CPAMD8: variants seen among roughly 807,000 people sequenced by gnomAD.
The protein encoded by CPAMD8 is C3 and PZP-like alpha-2-macroglobulin domain-containing protein 8.
CPAMD8 carries 146 observed loss-of-function variants against 224.7 expected under a neutral mutation model. The observed-to-expected ratio is 0.65, with a 90% CI of 0.57 to 0.75. The LOEUF (loss-of-function observed/expected upper bound fraction) is 0.75. Among genes scored for constraint, CPAMD8 ranks in the 30% least tolerant of loss-of-function variants. CPAMD8 has a pLI of 0.00. For missense variants in CPAMD8, 2,301 were observed against 2,537.5 expected (o/e 0.91, Z 2.00); for synonymous variants, 966 against 1,044.6 (o/e 0.92, Z 1.45).
chr19:16,904,088 C>G (rs2052371617), intron 32 of CPAMD8, 138 bp downstream of exon 32: 12 of 1,073,136 alleles, frequency 1.1e-5, no homozygotes, highest in African/African-American at 1.6e-5. Context: ...GTCCCTCACC[C>G]CCAACCCCTG....
At chr19:16,902,465 C>T (rs1208958471) in intron 35 of CPAMD8, among the ~76,000 whole-genome samples, 184 bp downstream of exon 35, 2 of 151,992 alleles carry the variant, frequency 1.3e-5, no homozygotes, top group Non-Finnish European at 2.9e-5. Flanking sequence ...TGCAGTGAGC[C>T]GAGATCGCAC....
At chr19:17,000,033 T>C (rs957514155) in intron 10 of CPAMD8, among the ~76,000 whole-genome samples, 2 of 152,206 alleles carry the variant, frequency 1.3e-5, no homozygotes, top group Non-Finnish European at 2.9e-5. Context: ...CACATCAAAA[T>C]ATCGATAGTG....
At chr19:16,983,020 C>T (rs984626503) in intron 13 of CPAMD8, among the ~76,000 whole-genome samples, 2 of 152,138 alleles carry the variant, frequency 1.3e-5, no homozygotes, top group African/African-American at 2.4e-5. Flanking sequence ...TTCCCATTCT[C>T]TCTTGTCTGC....
intron 29 of CPAMD8, chr19:16,907,533 G>C (rs369131678): frequency 6.6e-6 from 1 of 151,868 alleles, no homozygotes; most frequent in South Asian, 2.1e-4. Context: ...GCTTGAACCA[G>C]GGAGTTGGAG....
Position 16,914,487 on chromosome 19 carries a change from G to T in CPAMD8, c.3798C>A (p.His1266Gln). The T allele has an allele frequency of 6.2e-7, 1 of 1,614,080 alleles. No individual in the cohort carries two copies. Among genetic ancestry groups the T allele is most frequent in the Non-Finnish European group, 8.5e-7 (1 of 1,179,978 alleles). The change falls in exon 29 of 42, where the codon CAC (histidine) becomes CAA (glutamine). Residue 1266 changes from histidine (H) to glutamine (Q), a missense_variant. Coordinates refer to ENST00000443236, the MANE Select transcript of CPAMD8 (RefSeq NM_015692.5). ...CGTAGGCTGTCAGCGGGACAGTGCC[G>T]TGGATCCCACCCTGCAAGGGGACTC... ...VLNKDIQGGI[H>Q]GTVPLTAYVV... is the part of the protein sequence containing the mutation.
At position 16,907,157 on chromosome 19, in the gene CPAMD8, T is replaced by C; in HGVS notation, c.3862-40A>G. On this transcript the variant is annotated intron_variant, in intron 29 of 41. Coordinates refer to ENST00000443236, the MANE Select transcript of CPAMD8 (RefSeq NM_015692.5). ...GGGAAGGTGAAACCTGGGAGGCTGCTCTGCCCCCATCCCACCCACCCACTG... is the reference window on the plus strand; with the variant it reads ...GGGAAGGTGAAACCTGGGAGGCTGCCCTGCCCCCATCCCACCCACCCACTG... 8 of 1,484,186 alleles carry C rather than the reference T, an allele frequency of 5.4e-6. No individual in the cohort carries two copies. The South Asian group carries it at 8.4e-5, about 16-fold the overall frequency. 91.9% of individuals were successfully genotyped at this position (1,484,186 alleles called of 1,614,324 possible). A position where few individuals can be genotyped will look rare whatever the true frequency, so the allele number is the denominator to read the frequency against.
chr19:16,935,101 T>C (rs555814167), intron 23 of CPAMD8, among the ~76,000 whole-genome samples: 1 of 152,338 alleles, frequency 6.6e-6, no homozygotes, highest in East Asian at 1.9e-4. Flanking sequence ...CTTTTAAAAA[T>C]GTTTTTAACT....
chr19:16,894,202 C>T, intron 41 of CPAMD8: 1 of 293,296 alleles, frequency 3.4e-6, no homozygotes, highest in South Asian at 2.9e-5. Context: ...CTCCAGCTGT[C>T]CCCCCTGCAC....
In CPAMD8 at chr19:16,893,120, G is replaced by A; in HGVS notation, c.5646C>T (p.Cys1882=). 1 of 1,413,142 alleles carries A rather than the reference G, an allele frequency of 7.1e-7. No homozygotes were observed. The highest frequency in any genetic ancestry group is 1.0e-6 in the Non-Finnish European group (1 of 998,380). 87.5% of individuals were successfully genotyped at this position (1,413,142 alleles called of 1,614,324 possible). Residue 1882 remains cysteine (C), a synonymous_variant, in exon 42 of 42, where the codon TGC becomes TGT. Coordinates refer to ENST00000443236, the MANE Select transcript of CPAMD8 (RefSeq NM_015692.5). ...TGTGGTTGTAGGATTATCTCAAGGT[G>A]CAGGTGTTTGACATCCATAAACCCT... ...GEEGLWMSNT[C]TLR
In CPAMD8 at chr19:16,947,236, G is replaced by C; in HGVS notation, c.2509-9C>G. On this transcript the variant is annotated splice_polypyrimidine_tract_variant and intron_variant, in intron 20 of 41. Coordinates refer to ENST00000443236, the MANE Select transcript of CPAMD8 (RefSeq NM_015692.5). The stretch of plus-strand genomic sequence containing the variant: ...GAGAGCTTCATGTACACCTGCAGAG[G>C]GTGGCATTGGCTCATGGCGCCTGGA... The C allele has an allele frequency of 6.2e-7, 1 of 1,605,626 alleles. No homozygotes were observed. Among genetic ancestry groups the C allele is most frequent in the Non-Finnish European group, 8.5e-7 (1 of 1,175,342 alleles).
intron 11 of CPAMD8, among the ~76,000 whole-genome samples, chr19:16,994,697 A>T (rs985727442): frequency 1.2e-4 from 17 of 143,956 alleles, no homozygotes; most frequent in Admixed American, 5.6e-4. Context: ...TTAAAAAAAA[A>T]TCTGTAGAGC....
chr19:16,915,921 C>T lies in CPAMD8; in HGVS notation c.3630-1108G>A, dbSNP rs188748170. ...TTCTTTCTTTCTCTTTCTCTCTCTC[C>T]TTCCTTTTTCTCTCTCTCTTTTCTT... On this transcript the variant is annotated intron_variant, in intron 27 of 41. Transcript: ENST00000443236. Among the ~76,000 whole-genome samples, 280 of 148,892 alleles carry T rather than the reference C, an allele frequency of 1.9e-3. 1 individual carries two copies. The highest frequency in any genetic ancestry group is 5.3e-3 in the East Asian group (27 of 5,092).
intron 8 of CPAMD8, among the ~76,000 whole-genome samples, chr19:17,003,205 C>CTT (rs564105217): frequency 2.0e-5 from 3 of 146,936 alleles, no homozygotes; most frequent in Non-Finnish European, 3.0e-5. Flanking sequence ...GCCTGGCCAC[C>CTT]TTTTTTTTTT....
intron 16 of CPAMD8, among the ~76,000 whole-genome samples, chr19:16,975,731 G>A (rs955597080): frequency 1.3e-5 from 2 of 152,046 alleles, no homozygotes; most frequent in Non-Finnish European, 2.9e-5. Context: ...AAATAAGATG[G>A]GCAAATTGGA....
chr19:16,909,097 G>A (rs773855), intron 29 of CPAMD8, among the ~76,000 whole-genome samples: 85,672 of 151,974 alleles, frequency 0.56, 24,553 homozygotes, highest in South Asian at 0.62. Flanking sequence ...CAGGTGTAGC[G>A]GGTTGAACGG....
At chr19:16,927,885 G>T in intron 25 of CPAMD8, 124 bp downstream of exon 25, 1 of 702,686 alleles carries the variant, frequency 1.4e-6, no homozygotes, top group Non-Finnish European at 2.5e-6. Context: ...CAGGTGAGTG[G>T]GTGTATGGGT....
Position 16,970,974 on chromosome 19 carries a change from G to A in CPAMD8, c.2130C>T (p.Gly710=). Residue 710 remains glycine (G), a synonymous_variant, in exon 18 of 42, where the codon GGC becomes GGT. Coordinates refer to ENST00000443236, the MANE Select transcript of CPAMD8 (RefSeq NM_015692.5). ...RVSLNHRQDG[G]LYTDEAVPAF... ...CGGGGACAGCCTCATCGGTGTAGAG[G>A]CCACCGTCCTGCCGGTGGTTCAGGC... 1 of 1,613,406 alleles carries A rather than the reference G, an allele frequency of 6.2e-7. No homozygotes were observed. The highest frequency in any genetic ancestry group is 8.5e-7 in the Non-Finnish European group (1 of 1,179,546).
chr19:16,907,161 C>T (rs1399659767), intron 29 of CPAMD8, 44 bp from the exon 30 acceptor site: 10 of 1,475,798 alleles, frequency 6.8e-6, no homozygotes, highest in South Asian at 1.4e-5. Context: ...GGCTGCTCTG[C>T]CCCCATCCCA....
chr19:16,904,445 G>T (rs368974352), intron 31 of CPAMD8, 21 bp downstream of exon 31: 1 of 1,613,708 alleles, frequency 6.2e-7, no homozygotes, highest in South Asian at 1.1e-5. Context: ...GCAGGCACCC[G>T]GGAGCTGGGG....
Sources: allele counts gnomAD v4.1 joint callset (sites outside exome capture counted in the v4.1 genomes callset), GRCh38; gene constraint gnomAD v4.1.1; transcripts MANE v1.5; gene names NCBI Gene and HGNC (gene_info 2026-07-23, HGNC 2026-07-21).